The following PIK3C2A variants were observed in gnomAD, a reference collection of about 807,000 sequenced individuals.
PIK3C2A encodes phosphatidylinositol-4-phosphate 3-kinase catalytic subunit type 2 alpha.
A neutral mutation model predicts 204.5 loss-of-function variants in PIK3C2A; 97 were observed. The ratio of observed to expected loss-of-function variants is 0.47; its 90% confidence interval spans 0.40 to 0.56. The LOEUF is 0.56. Among genes scored for constraint, PIK3C2A ranks in the 20% least tolerant of loss-of-function variants. The pLI, the probability that PIK3C2A is intolerant of heterozygous loss-of-function variation, is 0.00. For synonymous variants in PIK3C2A, 653 were observed against 664.4 expected, an observed-to-expected ratio of 0.98 and a Z score of 0.26; for missense variants, 1,735 against 1,969.2, an observed-to-expected ratio of 0.88 and a Z score of 2.25.
chr11:17,138,297 C>T, intron 8 of PIK3C2A: 1 of 610,746 alleles, frequency 1.6e-6, no homozygotes. Flanking sequence ...ATGCCAAATG[C>T]CCCGGAAGAC....
At position 17,087,155 on chromosome 11, in the gene PIK3C2A, T is replaced by G. The variant is rs1848181846; in HGVS notation, c.*2583A>C. ...AGGACAACATGTAGCATAATTATTT[T>G]TAGTCAATAAAGGTGAGTATAAAAT... On this transcript the variant is annotated 3_prime_UTR_variant, in exon 33 of 33. Transcript: ENST00000691414. The G allele has an allele frequency of 6.6e-6, 1 of 152,174 alleles. No individual in the cohort carries two copies. Among genetic ancestry groups the G allele is most frequent in the African/African-American group, 2.4e-5 (1 of 41,464 alleles). The allele number at this position is 152,174 out of a possible 1,614,324, so 9.4% of individuals were successfully genotyped here. A position where few individuals can be genotyped will look rare whatever the true frequency, so the allele number is the denominator to read the frequency against.
Position 17,136,630 on chromosome 11 carries a change from AAAAATAAAAAAT to A in PIK3C2A, c.1705-17_1705-6del. ...ATCTACTGCTCGGTGTTGGTTCTTTAAAAATAAAAAATAAAATAAAAATAGGTAGGTGAAATT... is the reference window on the plus strand; with the variant it reads ...ATCTACTGCTCGGTGTTGGTTCTTTAAAAATAAAAATAGGTAGGTGAAATT... On this transcript the variant is annotated splice_region_variant and splice_polypyrimidine_tract_variant and intron_variant, in intron 8 of 32. Transcript: ENST00000691414. 1 of 1,489,112 alleles carries A rather than the reference AAAAATAAAAAAT, an allele frequency of 6.7e-7. No homozygotes were observed. The highest frequency in any genetic ancestry group is 9.1e-7 in the Non-Finnish European group (1 of 1,100,134). 92.2% of individuals were successfully genotyped at this position (1,489,112 alleles called of 1,614,324 possible).
In PIK3C2A at chr11:17,122,965, T is replaced by C. The variant is rs61762015; in HGVS notation, c.2400-152A>G. On this transcript the variant is annotated intron_variant, in intron 13 of 32. Coordinates refer to ENST00000691414, the MANE Select transcript of PIK3C2A (RefSeq NM_002645.4). ...TATCAGAAGGATTCACTCTCCACAT[T>C]GTACTGAAACTTTTCAGGTGTAGGG... is the stretch of plus-strand genomic sequence containing the variant. 1,386 of 549,498 alleles carry C rather than the reference T, an allele frequency of 2.5e-3. 9 individuals are homozygous for C. The highest frequency in any genetic ancestry group is 7.6e-3 in the Middle Eastern group (16 of 2,114). 34.0% of individuals were successfully genotyped at this position (549,498 alleles called of 1,614,324 possible).
intron 1 of PIK3C2A, among the ~76,000 whole-genome samples, chr11:17,203,546 A>C (rs1328360425): frequency 1.3e-5 from 2 of 152,196 alleles, no homozygotes; most frequent in African/African-American, 4.8e-5. Flanking sequence ...AATTCTCATC[A>C]AAAGAACATC....
At chr11:17,152,931 T>C (rs1415580558) in intron 3 of PIK3C2A, among the ~76,000 whole-genome samples, 3 of 152,092 alleles carry the variant, frequency 2.0e-5, no homozygotes, top group Admixed American at 2.0e-4. Flanking sequence ...ATTAACCAAA[T>C]GCAGAGTTGA....
chr11:17,200,502 T>A (rs1852328495), intron 1 of PIK3C2A, among the ~76,000 whole-genome samples: 1 of 152,184 alleles, frequency 6.6e-6, no homozygotes. Flanking sequence ...CTCAAAAGGC[T>A]ATATACACTG....
intron 28 of PIK3C2A, 140 bp downstream of exon 28, chr11:17,094,121 T>C (rs1590893799): frequency 3.5e-6 from 2 of 563,390 alleles, no homozygotes; most frequent in East Asian, 6.1e-5. Context: ...GCTTTTGTAT[T>C]AGGTCTTTAT....
chr11:17,178,713 A>ATTTTTTTTTT (rs569882194), intron 1 of PIK3C2A, among the ~76,000 whole-genome samples: 1 of 9,826 alleles, frequency 1.0e-4, no homozygotes, highest in Non-Finnish European at 1.8e-4. Context: ...TGATTTTTGA[A>ATTTTTTTTTT]TTTTTTTTTT....
At position 17,101,759 on chromosome 11, in the gene PIK3C2A, A is replaced by G. The variant is rs1295014035; in HGVS notation, c.3852-325T>C. 6.6e-5 allele frequency among the ~76,000 whole-genome samples: 10 copies of G among 151,230 alleles called. 1 individual carries two copies. In the East Asian group the frequency reaches 1.2e-3, roughly 18 times the overall value. On this transcript the variant is annotated intron_variant, in intron 24 of 32. Coordinates refer to ENST00000691414, the MANE Select transcript of PIK3C2A (RefSeq NM_002645.4). ...GCCGGGACCACAGGGGCCCGCCACC[A>G]CGCCCGGCTAATTTTTTGTATTTTT...
rs759339065 is a variant in PIK3C2A, at chr11:17,169,221, G to A, written c.521C>T (p.Pro174Leu). 2.5e-6 allele frequency: 4 copies of A among 1,614,030 alleles called. No homozygotes were observed. In the South Asian group the frequency reaches 4.4e-5, roughly 18 times the overall value. Residue 174 changes from proline (P) to leucine (L), a missense_variant, in exon 2 of 33, where the codon CCA becomes CTA. Pro to Leu is a moderately conservative substitution (Grantham distance 98, BLOSUM62 -3). Coordinates refer to ENST00000691414, the MANE Select transcript of PIK3C2A (RefSeq NM_002645.4). Reference sequence around the variant, plus strand: ...TGTAGATGGAAAAGTGGGCATTCTTGGATTGAAGCCATTTTGGAATGCAGC... The same window carrying A: ...TGTAGATGGAAAAGTGGGCATTCTTAGATTGAAGCCATTTTGGAATGCAGC... The part of the protein sequence containing the change: ...KQAAFQNGFN[P>L]RMPTFPSTEP...
intron 2 of PIK3C2A, among the ~76,000 whole-genome samples, chr11:17,162,663 C>T (rs910429333): frequency 6.6e-6 from 1 of 152,210 alleles, no homozygotes; most frequent in African/African-American, 2.4e-5. Context: ...TTCTGTACCT[C>T]GTTTCCATTT....
chr11:17,181,695 AACACAC>A (rs1453685281), intron 1 of PIK3C2A, among the ~76,000 whole-genome samples: 1 of 107,872 alleles, frequency 9.3e-6, no homozygotes, highest in African/African-American at 3.7e-5. Context: ...CACACACACA[AACACAC>A]ACACACGATT....
At chr11:17,193,313 A>G (rs1406437086) in intron 1 of PIK3C2A, among the ~76,000 whole-genome samples, 1 of 152,272 alleles carries the variant, frequency 6.6e-6, no homozygotes, top group Non-Finnish European at 1.5e-5. Context: ...CGCCGCAGTT[A>G]GAAACTGAAA....
chr11:17,122,369 C>G, intron 14 of PIK3C2A, 36 bp from the exon 15 acceptor site: 1 of 1,356,312 alleles, frequency 7.4e-7, no homozygotes, highest in Non-Finnish European at 1.0e-6. Flanking sequence ...AAATTACAGT[C>G]TACGTATTTG....
At chr11:17,159,249 T>C (rs1850701292) in intron 2 of PIK3C2A, among the ~76,000 whole-genome samples, 1 of 152,230 alleles carries the variant, frequency 6.6e-6, no homozygotes, top group Admixed American at 6.5e-5. Context: ...CCCAAGTTCT[T>C]TAATGGTGAA....
intron 1 of PIK3C2A, among the ~76,000 whole-genome samples, chr11:17,196,542 G>T (rs1486064319): frequency 1.3e-5 from 2 of 152,104 alleles, no homozygotes; most frequent in African/African-American, 4.8e-5. Context: ...TAATGTGAGA[G>T]AGAATGATTT....
intron 15 of PIK3C2A, among the ~76,000 whole-genome samples, chr11:17,120,601 CCTT>C (rs1302527568): frequency 2.0e-5 from 3 of 151,938 alleles, no homozygotes; most frequent in East Asian, 1.9e-4. Context: ...AAATCTCTCT[CCTT>C]CTAATTCCCC....
intron 3 of PIK3C2A, among the ~76,000 whole-genome samples, chr11:17,153,999 T>C (rs1850503053): frequency 1.3e-5 from 2 of 152,202 alleles, no homozygotes; most frequent in Non-Finnish European, 1.5e-5. Context: ...GTTGCAGTCA[T>C]AGTCTACTAA....
At chr11:17,102,901 A>G (rs1171902686) in intron 23 of PIK3C2A, 70 bp from the exon 24 acceptor site, 1 of 965,208 alleles carries the variant, frequency 1.0e-6, no homozygotes, top group Non-Finnish European at 1.5e-6. Context: ...TATAAATAGT[A>G]AAGTAATTTA....
Sources: gnomAD v4.1 joint callset for allele counts (sites outside exome capture counted in the v4.1 genomes callset) on GRCh38, gnomAD v4.1.1 for gene constraint, MANE v1.5 for transcripts, NCBI Gene and HGNC (gene_info 2026-07-23, HGNC 2026-07-21) for gene names.